The following PTPRN2 variants were observed in gnomAD, a reference collection of about 807,000 sequenced individuals.
PTPRN2 encodes the protein protein tyrosine phosphatase receptor type N2.
Under a neutral mutation model 118.8 loss-of-function variants are expected in PTPRN2, and 74 were observed. That is an observed-to-expected ratio of 0.62 (90% CI 0.52 to 0.76). The LOEUF (loss-of-function observed/expected upper bound fraction) is 0.76. PTPRN2 is among the 30% of genes least tolerant of loss of function. The pLI is 0.00. For synonymous variants in PTPRN2, 641 were observed against 608.0 expected (o/e 1.05, Z -0.80); for missense variants, 1,481 against 1,394.4 (o/e 1.06, Z -0.99).
At chr7:158,231,870 A>C (rs939035566) in intron 3 of PTPRN2, among the ~76,000 whole-genome samples, 1 of 152,214 alleles carries the variant, frequency 6.6e-6, no homozygotes, top group African/African-American at 2.4e-5. Flanking sequence ...CTAAATGGCC[A>C]ATGAGTCAAT....
At chr7:158,146,575 G>T (rs1251925182) in intron 6 of PTPRN2, among the ~76,000 whole-genome samples, 1 of 151,574 alleles carries the variant, frequency 6.6e-6, no homozygotes, top group South Asian at 2.1e-4. Flanking sequence ...CAAAAAATTA[G>T]CCAGGCGTGG....
At chr7:158,206,572 G>A (rs923642511) in intron 3 of PTPRN2, among the ~76,000 whole-genome samples, 6 of 151,894 alleles carry the variant, frequency 4.0e-5, no homozygotes, top group African/African-American at 1.2e-4. Flanking sequence ...GGGGAGGGGG[G>A]GAGAGAGAGA....
intron 12 of PTPRN2, among the ~76,000 whole-genome samples, chr7:157,716,505 A>G (rs1253197961): frequency 1.2e-5 from 1 of 84,424 alleles, no homozygotes; most frequent in Non-Finnish European, 2.3e-5. Context: ...CTGCGGGAAC[A>G]CTGCCTGGTC....
Position 157,785,054 on chromosome 7 carries a change from C to T in PTPRN2, c.1789-102117G>A, listed in dbSNP as rs918128132. ...TTCCACTTGTAACGGCTGTTACAGC[C>T]GCTGTTTCATCGCGTCGTCATAGGA... On this transcript the variant is annotated intron_variant, in intron 12 of 22. Transcript: ENST00000389418. This position sits in a 1 kb window ranked among gnomAD's most constrained non-coding sequence, Gnocchi z 7.3. 6.6e-6 allele frequency among the ~76,000 whole-genome samples: 1 copy of T among 152,078 alleles called. No homozygotes were observed. The highest frequency in any genetic ancestry group is 2.1e-4 in the South Asian group (1 of 4,816).
rs1227129043 is a variant in PTPRN2, at chr7:158,463,469, CCATCATCACCATCATCATTACCAT to C, written c.163+26242_163+26265del. On this transcript the variant is annotated intron_variant, in intron 2 of 22. Transcript: ENST00000389418. The stretch of plus-strand genomic sequence containing the variant: ...CATCATGTTGTCATTATCATTACCA[CCATCATCACCATCATCATTACCAT>C]TACCATCACCACCATCATCACCATC... Among the ~76,000 whole-genome samples, 4 of 151,756 alleles carry C rather than the reference CCATCATCACCATCATCATTACCAT, an allele frequency of 2.6e-5. No individual in the cohort carries two copies. The East Asian group carries it at 7.8e-4, about 29-fold the overall frequency.
intron 6 of PTPRN2, among the ~76,000 whole-genome samples, chr7:158,152,248 T>C (rs1821270165): frequency 1.4e-5 from 2 of 144,092 alleles, no homozygotes; most frequent in Admixed American, 1.4e-4. Flanking sequence ...TAACCCAGAG[T>C]ATGAAGGATC....
intron 9 of PTPRN2, among the ~76,000 whole-genome samples, chr7:158,120,771 C>G (rs1034791090): frequency 3.9e-5 from 6 of 152,208 alleles, no homozygotes; most frequent in African/African-American, 1.4e-4. Flanking sequence ...ATCTGAACAG[C>G]TTGTGAAGGG....
chr7:158,143,104 T>G (rs1460311139), intron 6 of PTPRN2, among the ~76,000 whole-genome samples: 1 of 152,120 alleles, frequency 6.6e-6, no homozygotes, highest in East Asian at 1.9e-4. Context: ...TCCCAGCGAT[T>G]ATCATCGCGA....
At chr7:158,520,301 G>A (rs1823886926) in intron 1 of PTPRN2, among the ~76,000 whole-genome samples, 2 of 152,222 alleles carry the variant, frequency 1.3e-5, no homozygotes, top group South Asian at 2.1e-4. Flanking sequence ...GTGTGGAAAG[G>A]AGAGTAAAAT....
chr7:158,392,455 G>T (rs1563236008), intron 2 of PTPRN2, among the ~76,000 whole-genome samples: 1 of 152,182 alleles, frequency 6.6e-6, no homozygotes, highest in Non-Finnish European at 1.5e-5. Flanking sequence ...GCGTTGTCTG[G>T]GGAACCATCC....
intron 12 of PTPRN2, among the ~76,000 whole-genome samples, chr7:157,827,162 C>G (rs1183434970): frequency 6.6e-6 from 1 of 152,140 alleles, no homozygotes; most frequent in East Asian, 1.9e-4. Flanking sequence ...CAAAACCTAA[C>G]CCTAACTCCT....
chr7:158,370,423 G>A (rs543595977), intron 2 of PTPRN2, among the ~76,000 whole-genome samples: 35 of 151,482 alleles, frequency 2.3e-4, no homozygotes, highest in African/African-American at 7.8e-4. Context: ...GTGACAGAGC[G>A]AGACTCCATC....
intron 10 of PTPRN2, among the ~76,000 whole-genome samples, chr7:158,103,401 C>T (rs182778580): frequency 1.1e-4 from 16 of 152,312 alleles, no homozygotes; most frequent in East Asian, 9.7e-4. Flanking sequence ...GGAAAAAGAA[C>T]GCGAAGAGCC....
At position 157,780,596 on chromosome 7, in the gene PTPRN2, G is replaced by A. The variant is rs952630139; in HGVS notation, c.1789-97659C>T. Among the ~76,000 whole-genome samples the A allele has an allele frequency of 3.9e-5, 6 of 152,188 alleles. No homozygotes were observed. The highest frequency in any genetic ancestry group is 8.8e-5 in the Non-Finnish European group (6 of 68,028). On this transcript the variant is annotated intron_variant, in intron 12 of 22. Transcript: ENST00000389418. The surrounding 1 kb of genome is among the most constrained non-coding windows in gnomAD (Gnocchi z 4.5). ...AGTACTGGCTCTGCACGCCTTCACC[G>A]TGAGAGGCCCCTGGACAAGGGACTG...
rs756191385 is a variant in PTPRN2, at chr7:158,364,867, A to G, written c.164-47935T>C. On this transcript the variant is annotated intron_variant, in intron 2 of 22. Coordinates refer to ENST00000389418, the MANE Select transcript of PTPRN2 (RefSeq NM_002847.5). ...ATAGGCACTTGACTTCTACCAAAAAAGAAATAACGGAACGGCATGAGAATG... is the reference window on the plus strand; with the variant it reads ...ATAGGCACTTGACTTCTACCAAAAAGGAAATAACGGAACGGCATGAGAATG... 2.0e-4 allele frequency among the ~76,000 whole-genome samples: 31 copies of G among 152,238 alleles called. 1 individual carries two copies. Among genetic ancestry groups the G allele is most frequent in the Non-Finnish European group, 3.4e-4 (23 of 68,046 alleles).
intron 12 of PTPRN2, among the ~76,000 whole-genome samples, chr7:157,841,687 G>A (rs1357784253): frequency 6.6e-6 from 1 of 152,196 alleles, no homozygotes; most frequent in Non-Finnish European, 1.5e-5. Flanking sequence ...GGAGCACGTG[G>A]GACAATAAGG....
chr7:157,683,426 G>T (rs1797007261), intron 12 of PTPRN2, among the ~76,000 whole-genome samples: 2 of 152,156 alleles, frequency 1.3e-5, no homozygotes, highest in South Asian at 4.1e-4. Context: ...AGGAACGTGG[G>T]ACTGGCTCTG....
Position 157,578,125 on chromosome 7 carries a change from C to G in PTPRN2, c.2512G>C (p.Gly838Arg). 6.2e-7 allele frequency: 1 copy of G among 1,611,900 alleles called. No individual in the cohort carries two copies. The highest frequency in any genetic ancestry group is 8.5e-7 in the Non-Finnish European group (1 of 1,179,048). The part of the protein sequence containing the change: ...ADFWQMVWES[G>R]CVVIVMLTPL... ...GTCAGCATGACGATCACCACGCAGC[C>G]GCTCTCCCACACCATCTGCGGACAA... Residue 838 changes from glycine to arginine, a missense_variant, in exon 18 of 23, where the codon GGC becomes CGC. By Grantham distance (125) the Gly-to-Arg change is moderately radical. This residue lies in a region of PTPRN2 where 362 missense variants were observed against 384.1 expected (regional missense o/e 0.94). Transcript: ENST00000389418.
chr7:157,706,409 A>G (rs1202684183), intron 12 of PTPRN2, among the ~76,000 whole-genome samples: 1 of 151,586 alleles, frequency 6.6e-6, no homozygotes, highest in African/African-American at 2.4e-5. Context: ...GGCGAATGTG[A>G]CCCCAGTGCC....
Sources: allele counts gnomAD v4.1 joint callset (sites outside exome capture counted in the v4.1 genomes callset), GRCh38; gene constraint gnomAD v4.1.1; regional missense constraint gnomAD v4.1.1; non-coding constraint Gnocchi (gnomAD v3.1); transcripts MANE v1.5; gene names NCBI Gene and HGNC (gene_info 2026-07-23, HGNC 2026-07-21).